CTNNA2: variants seen among roughly 807,000 people sequenced by gnomAD.
The protein encoded by CTNNA2 is catenin alpha 2.
CTNNA2 carries 42 observed loss-of-function variants against 101.0 expected under a neutral mutation model. The ratio of observed to expected loss-of-function variants is 0.42; its 90% CI spans 0.32 to 0.54. The LOEUF (loss-of-function observed/expected upper bound fraction) is 0.54. Ranked by LOEUF, CTNNA2 falls within the 20% of genes least tolerant of loss-of-function variation. CTNNA2 has a pLI of 0.14. For synonymous variants in CTNNA2, 450 were observed against 456.4 expected (o/e 0.99, Z 0.18); for missense variants, 871 against 1,223.1 (o/e 0.71, Z 4.29).
chr2:79,961,748 G>A (rs1689645249), intron 7 of CTNNA2, among the ~76,000 whole-genome samples: 1 of 151,816 alleles, frequency 6.6e-6, no homozygotes, highest in Admixed American at 6.6e-5. Context: ...CGTGAACCCG[G>A]GGGGCAGAGC....
chr2:80,575,925 G>A (rs1695000565), intron 13 of CTNNA2, among the ~76,000 whole-genome samples: 1 of 152,110 alleles, frequency 6.6e-6, no homozygotes, highest in South Asian at 2.1e-4. Flanking sequence ...TGTACAGTAT[G>A]TACAAATTGT....
At chr2:79,701,856 G>T (rs1196089325) in intron 2 of CTNNA2, among the ~76,000 whole-genome samples, 6 of 151,952 alleles carry the variant, frequency 3.9e-5, no homozygotes, top group African/African-American at 1.5e-4. Context: ...ACAAAAATTG[G>T]CCAGGCATGA....
intron 2 of CTNNA2, among the ~76,000 whole-genome samples, chr2:79,666,587 T>C (rs563956115): frequency 8.1e-4 from 124 of 152,330 alleles, no homozygotes; most frequent in African/African-American, 7.2e-4. Flanking sequence ...CAGAATCTCA[T>C]AGATGTTTAA....
At chr2:79,982,288 C>T (rs1339419370) in intron 7 of CTNNA2, among the ~76,000 whole-genome samples, 10 of 123,000 alleles carry the variant, frequency 8.1e-5, no homozygotes, top group East Asian at 7.4e-4. Flanking sequence ...ATATATATAA[C>T]ATATATAACA....
intron 7 of CTNNA2, among the ~76,000 whole-genome samples, 162 bp from the exon 8 acceptor site, chr2:80,393,049 A>G (rs1677670340): frequency 6.6e-6 from 1 of 152,158 alleles, no homozygotes; most frequent in African/African-American, 2.4e-5. Context: ...TTCAGGAAAA[A>G]CCAACTTTAG....
rs1056452057 is a variant in CTNNA2, at chr2:79,868,741, G to A, written c.466-1075G>A. The stretch of plus-strand genomic sequence containing the variant: ...CTCTTTCTTTCAAAGCTGCCTTCTC[G>A]CTCCATTCCTCTCTCAGGAAATGGA... On this transcript the variant is annotated intron_variant, in intron 4 of 18. Transcript: ENST00000402739. 4.6e-5 allele frequency among the ~76,000 whole-genome samples: 7 copies of A among 152,122 alleles called. No individual in the cohort carries two copies. In the East Asian group the frequency reaches 5.8e-4, roughly 13 times the overall value.
intron 7 of CTNNA2, among the ~76,000 whole-genome samples, chr2:80,173,900 C>T (rs1705228183): frequency 6.6e-6 from 1 of 152,122 alleles, no homozygotes; most frequent in African/African-American, 2.4e-5. Flanking sequence ...GAGCAGTACA[C>T]CAGAACCGGG....
At chr2:79,809,206 T>C (rs1487428318) in intron 3 of CTNNA2, among the ~76,000 whole-genome samples, 1 of 152,208 alleles carries the variant, frequency 6.6e-6, no homozygotes, top group East Asian at 1.9e-4. Flanking sequence ...GCGTTTGGGT[T>C]GGTTCCAAGT....
chr2:79,554,790 G>C (rs557588122), intron 1 of CTNNA2, among the ~76,000 whole-genome samples: 80 of 152,266 alleles, frequency 5.3e-4, no homozygotes, highest in African/African-American at 1.8e-3. Flanking sequence ...TTTCATAAAT[G>C]AGGAGAATGG....
At chr2:79,253,334 A>G (rs571589891) in intron 2 of CTNNA2, among the ~76,000 whole-genome samples, 2 of 152,362 alleles carry the variant, frequency 1.3e-5, no homozygotes, top group African/African-American at 4.8e-5. Flanking sequence ...AAAAACACAC[A>G]GGATTTTTAT....
chr2:80,241,231 T>A (rs908923795), intron 7 of CTNNA2, among the ~76,000 whole-genome samples: 12 of 151,968 alleles, frequency 7.9e-5, no homozygotes, highest in Non-Finnish European at 1.5e-4. Context: ...CTTTTTTTTT[T>A]AATCAGGAGT....
intron 2 of CTNNA2, among the ~76,000 whole-genome samples, chr2:79,702,675 C>T (rs1685091483): frequency 6.6e-6 from 1 of 152,176 alleles, no homozygotes; most frequent in Non-Finnish European, 1.5e-5. Context: ...CTGGGAACCG[C>T]TTTTACCTAC....
chr2:79,619,492 T>A (rs1678856780), intron 1 of CTNNA2, among the ~76,000 whole-genome samples: 1 of 152,256 alleles, frequency 6.6e-6, no homozygotes, highest in African/African-American at 2.4e-5. Context: ...TTTATATTTC[T>A]AATTTTATTA....
chr2:80,570,082 T>A (rs12714011), intron 12 of CTNNA2, among the ~76,000 whole-genome samples: 19,308 of 152,202 alleles, frequency 0.13, 1,400 homozygotes, highest in Middle Eastern at 0.18. Context: ...GGAGTCTCGC[T>A]CTGTTGCCCA....
intron 18 of CTNNA2, among the ~76,000 whole-genome samples, chr2:80,625,394 A>G (rs888666763): frequency 1.3e-5 from 2 of 151,960 alleles, no homozygotes; most frequent in African/African-American, 4.8e-5. Flanking sequence ...AAATACTATC[A>G]TCCCCATTGA....
intron 9 of CTNNA2, among the ~76,000 whole-genome samples, chr2:80,423,417 T>C (rs564266941): frequency 2.6e-5 from 4 of 152,338 alleles, no homozygotes; most frequent in Admixed American, 6.5e-5. Flanking sequence ...TCAAAACTTA[T>C]ATATTGAGTT....
intron 9 of CTNNA2, among the ~76,000 whole-genome samples, chr2:80,540,429 T>G (rs1203707786): frequency 6.6e-6 from 1 of 151,992 alleles, no homozygotes; most frequent in Non-Finnish European, 1.5e-5. Context: ...AAACCCCATC[T>G]CTACTAAAAA....
At chr2:79,457,793 T>C (rs747057474) in intron 4 of CTNNA2, among the ~76,000 whole-genome samples, 6 of 152,178 alleles carry the variant, frequency 3.9e-5, no homozygotes, top group Admixed American at 6.5e-5. Context: ...AAGTAAAAAA[T>C]CATAAGCCCA....
chr2:79,836,059 C>T (rs1460307095), intron 3 of CTNNA2, among the ~76,000 whole-genome samples: 5 of 152,152 alleles, frequency 3.3e-5, no homozygotes, highest in Non-Finnish European at 7.3e-5. Context: ...CTTTGGCCTC[C>T]TGCCACTTCT....
Sources: allele counts gnomAD v4.1 joint callset (sites outside exome capture counted in the v4.1 genomes callset), GRCh38; gene constraint gnomAD v4.1.1; transcripts MANE v1.5; gene names NCBI Gene and HGNC (gene_info 2026-07-23, HGNC 2026-07-21).